The following CCDC7 variants were observed in gnomAD, a reference collection of about 807,000 sequenced individuals.
CCDC7 encodes coiled-coil domain containing 7.
CCDC7 carries 183 observed loss-of-function variants against 196.9 expected under a neutral mutation model. The ratio of observed to expected loss-of-function variants is 0.93; its 90% CI spans 0.82 to 1.05. CCDC7 has a LOEUF of 1.05. CCDC7 is among the 50% of genes least tolerant of loss of function. The pLI is 0.00. For missense variants in CCDC7, 1,540 were observed against 1,482.2 expected, an observed-to-expected ratio of 1.04 and a Z score of -0.64; for synonymous variants, 525 against 484.6, an observed-to-expected ratio of 1.08 and a Z score of -1.10.
At chr10:32,623,431 T>TA (rs919593440) in intron 18 of CCDC7, among the ~76,000 whole-genome samples, 140 of 152,304 alleles carry the variant, frequency 9.2e-4, no homozygotes, top group African/African-American at 3.2e-3. Context: ...TGCCATTTTT[T>TA]AATATATTTT....
chr10:32,458,482 CT>C (rs368681727), intron 3 of CCDC7, among the ~76,000 whole-genome samples: 44 of 132,802 alleles, frequency 3.3e-4, no homozygotes, highest in East Asian at 6.7e-4. Flanking sequence ...TGTGTGTGTG[CT>C]TTTTTTTTTT....
At chr10:32,725,659 G>A (rs1016586521) in intron 25 of CCDC7, among the ~76,000 whole-genome samples, 4 of 152,116 alleles carry the variant, frequency 2.6e-5, no homozygotes, top group African/African-American at 9.7e-5. Flanking sequence ...AGGCCTCAGG[G>A]AGTTTTTAGC....
intron 28 of CCDC7, among the ~76,000 whole-genome samples, chr10:32,737,754 T>C (rs1353962620): frequency 2.0e-5 from 3 of 152,180 alleles, no homozygotes; most frequent in African/African-American, 7.2e-5. Context: ...AATAATGACC[T>C]TTTTATCACT....
chr10:32,798,901 T>C (rs1050399111), intron 29 of CCDC7, among the ~76,000 whole-genome samples: 2 of 152,114 alleles, frequency 1.3e-5, no homozygotes, highest in Non-Finnish European at 2.9e-5. Flanking sequence ...CTCTGTCCAC[T>C]GATCATAGGG....
intron 20 of CCDC7, among the ~76,000 whole-genome samples, chr10:32,653,944 C>T (rs1392952916): frequency 6.6e-6 from 1 of 152,060 alleles, no homozygotes; most frequent in East Asian, 1.9e-4. Context: ...TTCTGGAATG[C>T]CCATTATGTG....
At chr10:32,499,366 A>C (rs1211663469) in intron 9 of CCDC7, 1 of 152,160 alleles carries the variant, frequency 6.6e-6, no homozygotes, top group Non-Finnish European at 1.5e-5. Context: ...CTTTCAAAAT[A>C]AATTTATCAG....
At chr10:32,747,224 G>A (rs967109313) in intron 28 of CCDC7, among the ~76,000 whole-genome samples, 7 of 152,174 alleles carry the variant, frequency 4.6e-5, no homozygotes, top group Non-Finnish European at 1.0e-4. Flanking sequence ...ACCCAAGATG[G>A]ATCAAAGACT....
chr10:32,700,753 C>G (rs1298050894), intron 24 of CCDC7, among the ~76,000 whole-genome samples: 1 of 152,130 alleles, frequency 6.6e-6, no homozygotes, highest in Non-Finnish European at 1.5e-5. Context: ...TGTAGTTCTC[C>G]TTGAAGAGGT....
At chr10:32,493,520 C>A (rs1191789323) in intron 9 of CCDC7, among the ~76,000 whole-genome samples, 1 of 151,684 alleles carries the variant, frequency 6.6e-6, no homozygotes, top group African/African-American at 2.4e-5. Context: ...ATCTACTCAA[C>A]ATGATTTATC....
chr10:32,867,872 C>T (rs974837357), intron 41 of CCDC7, among the ~76,000 whole-genome samples: 10 of 151,846 alleles, frequency 6.6e-5, no homozygotes, highest in Non-Finnish European at 1.5e-5. Flanking sequence ...ACCTCCAGAA[C>T]GTTTTTTATC....
rs572306048 is a variant in CCDC7 at position 32,569,214 on chromosome 10, A to G, written c.1419+1323A>G. On this transcript the variant is annotated intron_variant, in intron 15 of 41. Transcript: ENST00000639629. Reference sequence around the variant, plus strand: ...TTGCAAAGATGATGTATATAATGTCATGTATTCAGCTGGCTTGTTCTGGTA... The same window carrying G: ...TTGCAAAGATGATGTATATAATGTCGTGTATTCAGCTGGCTTGTTCTGGTA... 4.6e-5 allele frequency among the ~76,000 whole-genome samples: 7 copies of G among 152,284 alleles called. No individual in the cohort carries two copies. The South Asian group carries it at 1.5e-3, about 32-fold the overall frequency.
chr10:32,519,959 A>G (rs537605720), intron 11 of CCDC7, among the ~76,000 whole-genome samples: 6 of 152,292 alleles, frequency 3.9e-5, no homozygotes, highest in African/African-American at 1.4e-4. Flanking sequence ...CGAATAAGTG[A>G]AAACATGCAA....
At chr10:32,647,790 T>C (rs2068041372) in intron 20 of CCDC7, among the ~76,000 whole-genome samples, 1 of 152,244 alleles carries the variant, frequency 6.6e-6, no homozygotes, top group Non-Finnish European at 1.5e-5. Context: ...CTGTTTGCTC[T>C]GTTGACAGTT....
At chr10:32,449,553 C>T (rs2032440435), upstream of CCDC7, among the ~76,000 whole-genome samples, 1 of 151,966 alleles carries the variant, frequency 6.6e-6, no homozygotes, top group African/African-American at 2.4e-5. Context: ...CTCATATACC[C>T]CTGGGGGTGT....
At chr10:32,481,441 G>A (rs1001815178) in intron 8 of CCDC7, among the ~76,000 whole-genome samples, 3 of 151,840 alleles carry the variant, frequency 2.0e-5, no homozygotes, top group African/African-American at 7.3e-5. Context: ...TCCCCTCTAA[G>A]CATTTTATGT....
At chr10:32,703,449 T>A (rs184762764) in intron 24 of CCDC7, among the ~76,000 whole-genome samples, 59 of 151,920 alleles carry the variant, frequency 3.9e-4, no homozygotes, top group African/African-American at 1.4e-3. Flanking sequence ...CCCTTAATAT[T>A]TTTTCCTTCA....
At chr10:32,756,036 G>A (rs1452819653) in intron 28 of CCDC7, among the ~76,000 whole-genome samples, 2 of 152,140 alleles carry the variant, frequency 1.3e-5, no homozygotes, top group Non-Finnish European at 2.9e-5. Flanking sequence ...ATGAAATGAA[G>A]CGAGAAGAGA....
chr10:32,645,664 C>G (rs1271175247), intron 20 of CCDC7, among the ~76,000 whole-genome samples: 1 of 151,794 alleles, frequency 6.6e-6, no homozygotes, highest in African/African-American at 2.4e-5. Context: ...CATCAAGGTT[C>G]CTGGGCTTTT....
chr10:32,455,339 G>T (rs956419699), intron 2 of CCDC7, among the ~76,000 whole-genome samples: 1 of 151,558 alleles, frequency 6.6e-6, no homozygotes, highest in Non-Finnish European at 1.5e-5. Flanking sequence ...TTTTGAGACA[G>T]AGTCTCGCTG....
Sources: gnomAD v4.1 joint callset for allele counts (sites outside exome capture counted in the v4.1 genomes callset) on GRCh38, gnomAD v4.1.1 for gene constraint, MANE v1.5 for transcripts, NCBI Gene and HGNC (gene_info 2026-07-23, HGNC 2026-07-21) for gene names.